SLC25A13: variants seen among roughly 807,000 people sequenced by gnomAD.
SLC25A13 encodes the protein solute carrier family 25 member 13, also known as electrogenic aspartate/glutamate antiporter SLC25A13, mitochondrial.
In SLC25A13, 70 loss-of-function variants were observed where a neutral mutation model predicts 85.5. That is an observed-to-expected ratio of 0.82 (90% CI 0.68 to 1.00). SLC25A13 has a LOEUF of 1.00. Among genes scored for constraint, SLC25A13 ranks in the 50% least tolerant of loss-of-function variants. The probability of loss-of-function intolerance (pLI) is 0.00; values close to 1 mark genes in which losing one functional copy is unlikely to be tolerated. For synonymous variants in SLC25A13, 259 were observed against 288.7 expected (o/e 0.90, Z 1.04); for missense variants, 765 against 819.8 (o/e 0.93, Z 0.82).
chr7:96,231,717 C>G (rs1273886895), intron 4 of SLC25A13, among the ~76,000 whole-genome samples: 2 of 149,904 alleles, frequency 1.3e-5, no homozygotes, highest in East Asian at 2.0e-4. Flanking sequence ...GAGTGAGACT[C>G]TGTCTCAAAA....
rs1201968236 is a variant in SLC25A13, at chr7:96,316,491, C to T, written c.15+5451G>A. ...ATGTGAACTCTCACACATACACCTT[C>T]GCAAATGGAACTCTTGGTAAGACCT... On this transcript the variant is annotated intron_variant, in intron 1 of 17. Coordinates refer to ENST00000265631, the MANE Select transcript of SLC25A13 (RefSeq NM_014251.3). 8.5e-5 allele frequency among the ~76,000 whole-genome samples: 13 copies of T among 152,126 alleles called. 1 individual carries two copies. The highest frequency in any genetic ancestry group is 2.9e-5 in the Non-Finnish European group (2 of 68,042).
At chr7:96,205,802 A>C (rs1356967209) in intron 5 of SLC25A13, among the ~76,000 whole-genome samples, 3 of 152,236 alleles carry the variant, frequency 2.0e-5, no homozygotes, top group Non-Finnish European at 4.4e-5. Context: ...AGCAATGCCC[A>C]GGACTGCCAA....
chr7:96,312,636 A>T (rs966639577), intron 1 of SLC25A13, among the ~76,000 whole-genome samples: 1 of 145,076 alleles, frequency 6.9e-6, no homozygotes, highest in African/African-American at 2.5e-5. Context: ...ACTGACAAAC[A>T]GTCGTCGTCA....
intron 13 of SLC25A13, among the ~76,000 whole-genome samples, chr7:96,149,768 T>C (rs376716621): frequency 1.9e-4 from 29 of 152,054 alleles, no homozygotes; most frequent in African/African-American, 6.5e-4. Context: ...CTCCACGACT[T>C]GATCACTGAG....
chr7:96,184,504 A>C, intron 10 of SLC25A13, 69 bp from the exon 11 acceptor site: 1 of 1,464,260 alleles, frequency 6.8e-7, no homozygotes, highest in Non-Finnish European at 9.5e-7. Context: ...AAGGTAGTTA[A>C]AGTCAAGGAC....
chr7:96,232,281 C>T (rs1361605164), intron 4 of SLC25A13, among the ~76,000 whole-genome samples: 1 of 151,896 alleles, frequency 6.6e-6, no homozygotes, highest in Non-Finnish European at 1.5e-5. Context: ...ATCATGTCCT[C>T]TACAGGAACT....
chr7:96,227,003 T>C (rs1796349195), intron 4 of SLC25A13, among the ~76,000 whole-genome samples: 1 of 152,226 alleles, frequency 6.6e-6, no homozygotes, highest in Admixed American at 6.5e-5. Flanking sequence ...TTTCTTTAAA[T>C]GTATTATATT....
At chr7:96,200,820 GCA>G (rs1795228954) in intron 5 of SLC25A13, among the ~76,000 whole-genome samples, 1 of 152,164 alleles carries the variant, frequency 6.6e-6, no homozygotes, top group African/African-American at 2.4e-5. Context: ...TAAAAACCCT[GCA>G]CAACAGGCTG....
intron 13 of SLC25A13, among the ~76,000 whole-genome samples, chr7:96,150,668 G>A (rs1274951355): frequency 6.6e-6 from 1 of 152,028 alleles, no homozygotes; most frequent in Admixed American, 6.6e-5. Flanking sequence ...AGACATGTAG[G>A]ACACAAAAGA....
intron 5 of SLC25A13, among the ~76,000 whole-genome samples, chr7:96,198,872 A>T (rs754332181): frequency 7.9e-5 from 12 of 152,246 alleles, no homozygotes; most frequent in South Asian, 2.1e-4. Flanking sequence ...AAGGGGAAAG[A>T]GATGAGGTGG....
Position 96,184,386 on chromosome 7 carries a change from C to T in SLC25A13, c.1068G>A (p.Met356Ile), listed in dbSNP as rs1794541591. ...AAGAGCCAGTTGATCGTTGGTTCTG[C>T]ATTCGAGTTTTTACAAGATCGATAG... ...VYPIDLVKTRMQNQRSTGSFV... is the reference protein window; with the variant it reads ...VYPIDLVKTRIQNQRSTGSFV... Residue 356 changes from methionine to isoleucine, a missense_variant, in exon 11 of 18, where the codon ATG (methionine) becomes ATA (isoleucine). Transcript: ENST00000265631. 12 of 1,614,026 alleles carry T rather than the reference C, an allele frequency of 7.4e-6. No individual in the cohort carries two copies. The highest frequency in any genetic ancestry group is 9.3e-6 in the Non-Finnish European group (11 of 1,180,030).
At chr7:96,309,616 G>A (rs1256377286) in intron 1 of SLC25A13, 1 of 152,208 alleles carries the variant, frequency 6.6e-6, no homozygotes, top group Non-Finnish European at 1.5e-5. Context: ...AACCAGCAGT[G>A]TCTGAATGCT....
intron 5 of SLC25A13, among the ~76,000 whole-genome samples, chr7:96,206,841 A>T (rs531120876): frequency 2.6e-5 from 4 of 152,344 alleles, no homozygotes; most frequent in Admixed American, 1.3e-4. Flanking sequence ...TGCTGTGAGC[A>T]GTTGAAAATC....
chr7:96,274,226 T>C (rs1028922118), intron 3 of SLC25A13, among the ~76,000 whole-genome samples: 2 of 152,178 alleles, frequency 1.3e-5, no homozygotes, highest in Admixed American at 6.5e-5. Context: ...GGTATCTCAT[T>C]ATGGTTATGA....
chr7:96,239,993 T>G (rs1796907736), intron 3 of SLC25A13, among the ~76,000 whole-genome samples: 1 of 152,222 alleles, frequency 6.6e-6, no homozygotes, highest in African/African-American at 2.4e-5. Flanking sequence ...ATGTAAATAT[T>G]AATCATTTAT....
At chr7:96,239,860 T>C (rs1305066446) in intron 3 of SLC25A13, among the ~76,000 whole-genome samples, 1 of 152,204 alleles carries the variant, frequency 6.6e-6, no homozygotes, top group East Asian at 1.9e-4. Flanking sequence ...AGTAGCGACT[T>C]TGTAACTCCT....
At position 96,187,407 on chromosome 7, in the gene SLC25A13, C is replaced by T. The variant is rs569169616; in HGVS notation, c.933+1887G>A. 9.9e-5 allele frequency among the ~76,000 whole-genome samples: 15 copies of T among 152,260 alleles called. No homozygotes were observed. The East Asian group carries it at 2.9e-3, about 29-fold the overall frequency. On this transcript the variant is annotated intron_variant, in intron 9 of 17. Transcript: ENST00000265631. ...GAAAATAGCTTTACATAGAAATATG[C>T]CTCTTTAAGATACAAAACATTTCTT...
chr7:96,158,002 C>G (rs1793354570), intron 13 of SLC25A13, among the ~76,000 whole-genome samples: 2 of 152,164 alleles, frequency 1.3e-5, no homozygotes, highest in Non-Finnish European at 2.9e-5. Flanking sequence ...TGCCTTAAAA[C>G]TGACTCACCA....
intron 11 of SLC25A13, 111 bp from the exon 12 acceptor site, chr7:96,171,635 A>G (rs1794007391): frequency 1.2e-6 from 1 of 848,714 alleles, no homozygotes. Flanking sequence ...CTCTGCTGCA[A>G]TTTTCTGCTA....
Sources: gnomAD v4.1 joint callset for allele counts (sites outside exome capture counted in the v4.1 genomes callset) on GRCh38, gnomAD v4.1.1 for gene constraint, MANE v1.5 for transcripts, NCBI Gene and HGNC (gene_info 2026-07-23, HGNC 2026-07-21) for gene names.